The following GALNT2 variants were observed in gnomAD, a reference collection of about 807,000 sequenced individuals.
The protein encoded by GALNT2 is UDP-GalNAc:polypeptide N-acetylgalactosaminyltransferase 2.
A neutral mutation model predicts 81.4 loss-of-function variants in GALNT2; 31 were observed. The ratio of observed to expected loss-of-function variants is 0.38; its 90% CI spans 0.29 to 0.51. GALNT2 has a LOEUF of 0.51. Ranked by LOEUF, GALNT2 falls within the 20% of genes least tolerant of loss-of-function variation. The pLI, the probability that GALNT2 is intolerant of heterozygous loss-of-function variation, is 0.87. For synonymous variants in GALNT2, 303 were observed against 287.4 expected (o/e 1.05, Z -0.55); for missense variants, 629 against 765.7 (o/e 0.82, Z 2.11).
intron 1 of GALNT2, among the ~76,000 whole-genome samples, chr1:230,067,675 G>T (rs1184393173): frequency 6.6e-6 from 1 of 152,064 alleles, no homozygotes; most frequent in African/African-American, 2.4e-5. Flanking sequence ...GTCGTAATTC[G>T]AGTCTTGTCC....
At chr1:230,182,829 A>G (rs1275167480) in intron 2 of GALNT2, among the ~76,000 whole-genome samples, 1 of 152,218 alleles carries the variant, frequency 6.6e-6, no homozygotes, top group African/African-American at 2.4e-5. Flanking sequence ...ACAGAGGACT[A>G]TTGAGGTCTC....
chr1:230,162,034 TA>T lies in GALNT2; in HGVS notation c.127-16174del, dbSNP rs1008430973. On this transcript the variant is annotated intron_variant, in intron 1 of 15. Coordinates refer to ENST00000366672, the MANE Select transcript of GALNT2 (RefSeq NM_004481.5). ...CTAACCAGCAAAATTCTGTAAAAAT[TA>T]AAAAAAAAATCTTGGCGCTTCCAGT... 6.6e-5 allele frequency among the ~76,000 whole-genome samples: 10 copies of T among 151,252 alleles called. No individual in the cohort carries two copies. In the East Asian group the frequency reaches 9.7e-4, roughly 15 times the overall value.
Position 230,279,247 on chromosome 1 carries a change from T to C in GALNT2, c.1561-56T>C. 6.4e-7 allele frequency: 1 copy of C among 1,551,158 alleles called. No individual in the cohort carries two copies. The highest frequency in any genetic ancestry group is 8.8e-7 in the Non-Finnish European group (1 of 1,138,828). On this transcript the variant is annotated intron_variant, in intron 15 of 15. Coordinates refer to ENST00000366672, the MANE Select transcript of GALNT2 (RefSeq NM_004481.5). This position sits in a 1 kb window ranked among gnomAD's most constrained non-coding sequence, Gnocchi z 4.6. ...ACAAGGTCCTGAATTCACACGAATC[T>C]GTTTGTACTCCTTTGCTTGTGCCCA...
At chr1:230,185,083 T>G (rs1663280033) in intron 2 of GALNT2, among the ~76,000 whole-genome samples, 1 of 152,228 alleles carries the variant, frequency 6.6e-6, no homozygotes, top group Non-Finnish European at 1.5e-5. Flanking sequence ...TCCTTTTGAT[T>G]CTTTCTCATA....
At chr1:230,077,068 A>T (rs1659586475) in intron 1 of GALNT2, among the ~76,000 whole-genome samples, 1 of 152,162 alleles carries the variant, frequency 6.6e-6, no homozygotes, top group African/African-American at 2.4e-5. Context: ...CCCATGAATT[A>T]AGTACTCTGT....
At position 230,257,150 on chromosome 1, in the gene GALNT2, G is replaced by A. The variant is rs1027242024; in HGVS notation, c.1136+1806G>A. On this transcript the variant is annotated intron_variant, in intron 11 of 15. Coordinates refer to ENST00000366672, the MANE Select transcript of GALNT2 (RefSeq NM_004481.5). This position sits in a 1 kb window ranked among gnomAD's most constrained non-coding sequence, Gnocchi z 4.6. ...TGCACCTTTGCAGGTCATGGGAAAC[G>A]TTGGATGTTATTTGATTCTGAAGGA... Among the ~76,000 whole-genome samples the A allele has an allele frequency of 3.9e-5, 6 of 152,264 alleles. No individual in the cohort carries two copies. The highest frequency in any genetic ancestry group is 7.3e-5 in the Non-Finnish European group (5 of 68,046).
chr1:230,216,760 A>G (rs1304435571), intron 3 of GALNT2, among the ~76,000 whole-genome samples: 1 of 152,146 alleles, frequency 6.6e-6, no homozygotes, highest in Non-Finnish European at 1.5e-5. Context: ...TTAATGGTAG[A>G]ACCTATGAGG....
At position 230,262,368 on chromosome 1, in the gene GALNT2, A is replaced by C. The variant is rs1572151782; in HGVS notation, c.1137-205A>C. The C allele has an allele frequency of 5.5e-6, 3 of 545,726 alleles. No individual in the cohort carries two copies. The East Asian group carries it at 8.8e-5, about 16-fold the overall frequency. 33.8% of individuals were successfully genotyped at this position (545,726 alleles called of 1,614,324 possible). ...AGAAAGCCATTCCAATGGTTCAGTA[A>C]GCACCCGCTGAGGCTGGCTCCCCAC... On this transcript the variant is annotated intron_variant, in intron 11 of 15. Coordinates refer to ENST00000366672, the MANE Select transcript of GALNT2 (RefSeq NM_004481.5).
At chr1:230,101,051 T>C (rs1660387001) in intron 1 of GALNT2, among the ~76,000 whole-genome samples, 1 of 152,238 alleles carries the variant, frequency 6.6e-6, no homozygotes, top group Non-Finnish European at 1.5e-5. Flanking sequence ...GTTTGTAGCC[T>C]AGAAGCAGTA....
intron 1 of GALNT2, among the ~76,000 whole-genome samples, chr1:230,080,735 A>C (rs1257604967): frequency 2.0e-5 from 3 of 152,138 alleles, no homozygotes; most frequent in Non-Finnish European, 4.4e-5. Context: ...TTATCCAGTT[A>C]GCTCTGTGGC....
chr1:230,129,384 C>G (rs971657658), intron 1 of GALNT2, among the ~76,000 whole-genome samples: 2 of 152,176 alleles, frequency 1.3e-5, no homozygotes, highest in East Asian at 3.8e-4. Context: ...GAGGCGTGAT[C>G]GTAGCACCCT....
intron 3 of GALNT2, among the ~76,000 whole-genome samples, chr1:230,224,338 A>G (rs997243753): frequency 6.6e-6 from 1 of 152,172 alleles, no homozygotes; most frequent in Non-Finnish European, 1.5e-5. Context: ...GACAATAATA[A>G]TTTAGTCTCT....
At chr1:230,059,963 T>A (rs1659005744) in intron 1 of GALNT2, among the ~76,000 whole-genome samples, 1 of 152,222 alleles carries the variant, frequency 6.6e-6, no homozygotes, top group South Asian at 2.1e-4. Flanking sequence ...TTATACTATT[T>A]ACCATAGTGT....
chr1:230,231,539 A>G (rs879528895), intron 3 of GALNT2, among the ~76,000 whole-genome samples: 11 of 152,192 alleles, frequency 7.2e-5, no homozygotes, highest in Admixed American at 4.6e-4. Flanking sequence ...TGGTTATTTC[A>G]TCAATGTCTT....
intron 1 of GALNT2, among the ~76,000 whole-genome samples, chr1:230,076,367 C>T (rs555110810): frequency 1.2e-4 from 18 of 152,250 alleles, no homozygotes; most frequent in South Asian, 2.1e-4. Flanking sequence ...TGCTGTTTAA[C>T]GAGAAATCCC....
chr1:230,170,162 G>A (rs566848069), intron 1 of GALNT2, among the ~76,000 whole-genome samples: 24 of 152,284 alleles, frequency 1.6e-4, no homozygotes, highest in African/African-American at 4.8e-4. Flanking sequence ...AGAGGTTTTG[G>A]GAGCTGTTGG....
Position 230,112,239 on chromosome 1 carries a change from T to C in GALNT2, c.126+44833T>C, listed in dbSNP as rs542441784. 7.9e-5 allele frequency among the ~76,000 whole-genome samples: 12 copies of C among 152,334 alleles called. No homozygotes were observed. In the South Asian group the frequency reaches 1.9e-3, roughly 24 times the overall value. On this transcript the variant is annotated intron_variant, in intron 1 of 15. Transcript: ENST00000366672. ...TACCTGTGGGTCTAATCTCCTAGCA[T>C]AGGCTGAGCCTGCACCTCCTTGAGA... is the stretch of plus-strand genomic sequence containing the variant.
At chr1:230,069,655 A>G (rs927821481) in intron 1 of GALNT2, among the ~76,000 whole-genome samples, 1 of 151,984 alleles carries the variant, frequency 6.6e-6, no homozygotes, top group Non-Finnish European at 1.5e-5. Flanking sequence ...AATTGTTTCC[A>G]TGGATTTAGA....
chr1:230,145,029 G>T (rs182747601), intron 1 of GALNT2, among the ~76,000 whole-genome samples: 1 of 152,100 alleles, frequency 6.6e-6, no homozygotes, highest in Non-Finnish European at 1.5e-5. Context: ...GAGGCCCGGC[G>T]GAGCATCCCA....
Sources: gnomAD v4.1 joint callset for allele counts (sites outside exome capture counted in the v4.1 genomes callset) on GRCh38, gnomAD v4.1.1 for gene constraint, Gnocchi (gnomAD v3.1) non-coding constraint, MANE v1.5 for transcripts, NCBI Gene and HGNC (gene_info 2026-07-23, HGNC 2026-07-21) for gene names.